TTBK2: variants seen among roughly 807,000 people sequenced by gnomAD.
The protein encoded by TTBK2 is tau tubulin kinase 2.
A neutral mutation model predicts 110.8 loss-of-function variants in TTBK2; 28 were observed. That is an observed-to-expected ratio of 0.25 (90% CI 0.19 to 0.35). The LOEUF (loss-of-function observed/expected upper bound fraction) is 0.35. TTBK2 is among the 10% of genes least tolerant of loss of function. The pLI, the probability that TTBK2 is intolerant of heterozygous loss-of-function variation, is 1.00. For synonymous variants in TTBK2, 532 were observed against 527.3 expected (o/e 1.01, Z -0.12); for missense variants, 1,369 against 1,500.3 (o/e 0.91, Z 1.45).
chr15:42,776,761 T>C (rs889151769), intron 12 of TTBK2, among the ~76,000 whole-genome samples: 1 of 152,222 alleles, frequency 6.6e-6, no homozygotes, highest in African/African-American at 2.4e-5. Context: ...ATTTAACTTG[T>C]ACCTAGTGTT....
chr15:42,752,066 G>T lies in TTBK2; in HGVS notation c.3180C>A (p.Val1060=). The T allele has an allele frequency of 6.2e-7, 1 of 1,614,216 alleles. No individual in the cohort carries two copies. Among genetic ancestry groups the T allele is most frequent in the Non-Finnish European group, 8.5e-7 (1 of 1,180,046 alleles). Residue 1060 remains valine, a synonymous_variant, in exon 14 of 15, where the codon GTC becomes GTA. Transcript: ENST00000267890. The part of the protein sequence containing the change: ...KSKIPRPVSW[V]NTDQVNSSTS... ...TTGAGCTATTGACCTGATCTGTGTT[G>T]ACCCATGAAACTGGCCTTGGAATTT...
chr15:42,827,578 G>C (rs764431898), intron 6 of TTBK2, among the ~76,000 whole-genome samples: 10 of 152,160 alleles, frequency 6.6e-5, no homozygotes, highest in Admixed American at 5.2e-4. Flanking sequence ...GCACCAAATA[G>C]AGAATATCAG....
intron 9 of TTBK2, chr15:42,801,168 G>T: frequency 8.2e-7 from 1 of 1,219,766 alleles, no homozygotes; most frequent in Non-Finnish European, 1.2e-6. Flanking sequence ...ATAGCTGCTG[G>T]TGGTCTTCAT....
At chr15:42,854,356 T>C (rs901584624) in intron 3 of TTBK2, among the ~76,000 whole-genome samples, 1 of 152,212 alleles carries the variant, frequency 6.6e-6, no homozygotes, top group Non-Finnish European at 1.5e-5. Flanking sequence ...TTTCCTTTGA[T>C]AAAAAGATAC....
At position 42,834,720 on chromosome 15, in the gene TTBK2, T is replaced by TA. The variant is rs571210393; in HGVS notation, c.292-4643dup. Among the ~76,000 whole-genome samples, 1,107 of 151,990 alleles carry TA rather than the reference T, an allele frequency of 7.3e-3. 10 individuals carry two copies. Among genetic ancestry groups the TA allele is most frequent in the Non-Finnish European group, 0.011 (725 of 67,908 alleles). ...GGGGAAACCCCATCTCTACTAAAAA[T>TA]AAAAAAATTCGCTGGGTATGGTGGC... On this transcript the variant is annotated intron_variant, in intron 4 of 14. Coordinates refer to ENST00000267890, the MANE Select transcript of TTBK2 (RefSeq NM_173500.4).
At chr15:42,917,946 G>A (rs539818463) in intron 1 of TTBK2, among the ~76,000 whole-genome samples, 32 of 151,640 alleles carry the variant, frequency 2.1e-4, no homozygotes, top group African/African-American at 7.5e-4. Flanking sequence ...TTTTAAGTGT[G>A]GAAAGAAGTA....
chr15:42,809,965 T>A (rs1182043223), intron 9 of TTBK2, among the ~76,000 whole-genome samples: 1 of 152,256 alleles, frequency 6.6e-6, no homozygotes, highest in East Asian at 1.9e-4. Context: ...GATATACTAA[T>A]ACATATTCTT....
At chr15:42,840,326 A>C in intron 4 of TTBK2, 34 bp downstream of exon 4, 1 of 1,568,140 alleles carries the variant, frequency 6.4e-7, no homozygotes, top group Non-Finnish European at 8.8e-7. Flanking sequence ...ATCAAAACTG[A>C]AGAATTTAAA....
intron 9 of TTBK2, chr15:42,800,296 T>C (rs549024345): frequency 6.8e-5 from 30 of 439,968 alleles, no homozygotes; most frequent in East Asian, 2.1e-4. Flanking sequence ...GCAGCCTACA[T>C]AGATGCTTGG....
At chr15:42,866,021 T>C (rs1894358989) in intron 3 of TTBK2, among the ~76,000 whole-genome samples, 1 of 152,176 alleles carries the variant, frequency 6.6e-6, no homozygotes, top group African/African-American at 2.4e-5. Context: ...ACTTTAAGTA[T>C]GTAAATACAA....
intron 11 of TTBK2, among the ~76,000 whole-genome samples, chr15:42,782,970 T>C (rs781189284): frequency 5.9e-5 from 9 of 152,160 alleles, no homozygotes; most frequent in Non-Finnish European, 1.3e-4. Context: ...TGACTCCCTG[T>C]CTACTTTCCA....
In TTBK2 at chr15:42,752,479, T is replaced by C. The variant is rs376245132; in HGVS notation, c.2767A>G (p.Asn923Asp). ...NGELFHCVSENEHGAPTRKDM... is the reference protein window; with the variant it reads ...NGELFHCVSEDEHGAPTRKDM... ...TTCCGGGTTGGGGCACCATGTTCAT[T>C]CTCTGAAACACAATGAAATAGTTCT... Residue 923 changes from asparagine to aspartate, a missense_variant, in exon 14 of 15, where the codon AAT becomes GAT. Transcript: ENST00000267890. 30 of 1,614,062 alleles carry C rather than the reference T, an allele frequency of 1.9e-5. No individual in the cohort carries two copies. In the East Asian group the frequency reaches 6.5e-4, roughly 35 times the overall value.
rs1450095466 is a variant in TTBK2, at chr15:42,775,315, A to G, written c.1818T>C (p.Asn606=). The G allele has an allele frequency of 3.7e-6, 6 of 1,613,984 alleles. No individual in the cohort carries two copies. The highest frequency in any genetic ancestry group is 5.1e-6 in the Non-Finnish European group (6 of 1,180,040). Residue 606 remains asparagine (N), a synonymous_variant, in exon 13 of 15, where the codon AAT becomes AAC. Transcript: ENST00000267890. The stretch of plus-strand genomic sequence containing the variant: ...CTGAGGTTTCCTTCTTTAAATGATC[A>G]TTTTCTGCCCAAGGACCTAACTGGA... The part of the protein sequence containing the change: ...EKLQLGPWAE[N]DHLKKETSGV...
At chr15:42,882,462 A>T (rs1184598646) in intron 1 of TTBK2, among the ~76,000 whole-genome samples, 1 of 151,324 alleles carries the variant, frequency 6.6e-6, no homozygotes, top group Non-Finnish European at 1.5e-5. Context: ...ATATATATAT[A>T]TATTAGCCAG....
chr15:42,892,328 A>T (rs1895489450), intron 1 of TTBK2, among the ~76,000 whole-genome samples: 1 of 152,188 alleles, frequency 6.6e-6, no homozygotes, highest in Admixed American at 6.6e-5. Flanking sequence ...TGTATGGCTG[A>T]TTTTATACTA....
chr15:42,772,289 A>G (rs964069809), intron 13 of TTBK2, among the ~76,000 whole-genome samples: 1 of 152,112 alleles, frequency 6.6e-6, no homozygotes, highest in African/African-American at 2.4e-5. Context: ...CATGTCAGCT[A>G]TGGAGAGGCC....
chr15:42,830,992 G>A (rs947793057), intron 4 of TTBK2, among the ~76,000 whole-genome samples: 2 of 147,126 alleles, frequency 1.4e-5, no homozygotes, highest in Non-Finnish European at 3.0e-5. Context: ...GCAACAGAGC[G>A]AGACTCCATC....
chr15:42,902,259 G>A (rs2030088954), intron 1 of TTBK2, among the ~76,000 whole-genome samples: 1 of 151,018 alleles, frequency 6.6e-6, no homozygotes. Flanking sequence ...GGTTGCTCAC[G>A]CCTGTAATCC....
At chr15:42,754,534 T>C (rs923420333) in intron 13 of TTBK2, among the ~76,000 whole-genome samples, 8 of 151,482 alleles carry the variant, frequency 5.3e-5, no homozygotes, top group African/African-American at 1.9e-4. Flanking sequence ...GTATCTGGGA[T>C]TACAGGTGCC....
Sources: gnomAD v4.1 joint callset for allele counts (sites outside exome capture counted in the v4.1 genomes callset) on GRCh38, gnomAD v4.1.1 for gene constraint, MANE v1.5 for transcripts, NCBI Gene and HGNC (gene_info 2026-07-23, HGNC 2026-07-21) for gene names.